Variants in NOTCH2 observed in about 807,000 individuals in gnomAD.
The protein encoded by NOTCH2 is neurogenic locus notch homolog protein 2.
NOTCH2 carries 29 observed loss-of-function variants against 235.8 expected under a neutral mutation model. That is an observed-to-expected ratio of 0.12 (90% CI 0.09 to 0.17). The LOEUF (loss-of-function observed/expected upper bound fraction) is 0.17. NOTCH2 is among the 10% of genes least tolerant of loss of function. NOTCH2 has a pLI of 1.00. For synonymous variants in NOTCH2, 1,086 were observed against 1,141.5 expected (o/e 0.95, Z 0.98); for missense variants, 2,285 against 3,150.2 (o/e 0.73, Z 6.57).
At position 119,929,186 on chromosome 1, in the gene NOTCH2, C is replaced by T; in HGVS notation, c.3682G>A (p.Asp1228Asn). Residue 1228 changes from aspartate to asparagine, a missense_variant, in exon 23 of 34, where the codon GAC becomes AAC. Physicochemically the swap from Asp to Asn is conservative, Grantham distance 23 (BLOSUM62 1). Coordinates refer to ENST00000256646, the MANE Select transcript of NOTCH2 (RefSeq NM_024408.4). ...RGLLCEENID[D>N]CARGPHCLNG... is the part of the protein sequence containing the mutation. ...AGGCAATGGGGACCCCGGGCACAGT[C>T]ATCAATGTTCTCTTCACAGAGTAGG... is the stretch of plus-strand genomic sequence containing the variant. The T allele has an allele frequency of 6.2e-7, 1 of 1,614,162 alleles. No individual in the cohort carries two copies. The highest frequency in any genetic ancestry group is 8.5e-7 in the Non-Finnish European group (1 of 1,179,990).
Position 119,919,548 on chromosome 1 carries a change from C to G in NOTCH2, c.5545G>C (p.Glu1849Gln), listed in dbSNP as rs1296823228. ...GGSSDLSDED[E>Q]DAEDSSANII... ...TTAGCAGAAGAGTCCTCTGCATCTTCATCTTCATCACTCAAATCTGAGCTG... is the reference window on the plus strand; with the variant it reads ...TTAGCAGAAGAGTCCTCTGCATCTTGATCTTCATCACTCAAATCTGAGCTG... Residue 1849 changes from glutamate (E) to glutamine (Q), a missense_variant, in exon 31 of 34, where the codon GAA becomes CAA. By Grantham distance (29) the Glu-to-Gln change is conservative (BLOSUM62 2). Coordinates refer to ENST00000256646, the MANE Select transcript of NOTCH2 (RefSeq NM_024408.4). The G allele has an allele frequency of 1.2e-6, 2 of 1,614,172 alleles. No homozygotes were observed. Among genetic ancestry groups the G allele is most frequent in the Non-Finnish European group, 1.7e-6 (2 of 1,180,048 alleles).
Position 119,953,526 on chromosome 1 carries a change from T to C in NOTCH2, c.2365+17A>G. On this transcript the variant is annotated intron_variant, in intron 14 of 33. Transcript: ENST00000256646. Reference sequence around the variant, plus strand: ...AAGACAAAGAGCAGACGCAGAAAGATGTACTTTTGTTTTCACCTTTAAAGC... The same window carrying C: ...AAGACAAAGAGCAGACGCAGAAAGACGTACTTTTGTTTTCACCTTTAAAGC... 4 of 1,613,778 alleles carry C rather than the reference T, an allele frequency of 2.5e-6. No individual in the cohort carries two copies. The highest frequency in any genetic ancestry group is 3.4e-6 in the Non-Finnish European group (4 of 1,179,696).
At position 119,916,229 on chromosome 1, in the gene NOTCH2, T is replaced by G. The variant is rs978087557; in HGVS notation, c.6493A>C (p.Thr2165Pro). The G allele has an allele frequency of 6.2e-7, 1 of 1,614,148 alleles. No homozygotes were observed. Among genetic ancestry groups the G allele is most frequent in the Non-Finnish European group, 8.5e-7 (1 of 1,180,010 alleles). ...ESPHTYVSDTTSSPMITSPGI... is the reference protein window; with the variant it reads ...ESPHTYVSDTPSSPMITSPGI... ...GGGGATGTAATCATTGGAGAGGATG[T>G]GGTGTCGGAAACATACGTGTGAGGA... Residue 2165 changes from threonine (T) to proline (P), a missense_variant, in exon 34 of 34, where the codon ACA becomes CCA. By Grantham distance (38) the Thr-to-Pro change is conservative. Coordinates refer to ENST00000256646, the MANE Select transcript of NOTCH2 (RefSeq NM_024408.4).
chr1:120,042,520 A>G (rs1654617948), intron 1 of NOTCH2, among the ~76,000 whole-genome samples: 1 of 131,270 alleles, frequency 7.6e-6, no homozygotes, highest in African/African-American at 3.7e-5. Flanking sequence ...TCATCACCTC[A>G]TCACATTAAC....
At chr1:119,933,328 AT>A (rs1311752098) in intron 22 of NOTCH2, among the ~76,000 whole-genome samples, 5 of 152,230 alleles carry the variant, frequency 3.3e-5, no homozygotes, top group African/African-American at 1.2e-4. Context: ...CAATGGGGTT[AT>A]GGGACTTGAG....
intron 20 of NOTCH2, 40 bp from the exon 21 acceptor site, chr1:119,937,506 T>C (rs782185683): frequency 6.3e-6 from 10 of 1,580,340 alleles, no homozygotes; most frequent in South Asian, 2.3e-5. Context: ...TAGAAGAACA[T>C]GTGACACATG....
At chr1:120,037,685 CA>C (rs1159340421) in intron 1 of NOTCH2, among the ~76,000 whole-genome samples, 2 of 149,496 alleles carry the variant, frequency 1.3e-5, no homozygotes, top group Non-Finnish European at 3.0e-5. Flanking sequence ...AAAAAAAAAA[CA>C]AAAAAAAGCA....
chr1:120,002,382 T>C (rs1652793096), intron 3 of NOTCH2, among the ~76,000 whole-genome samples: 2 of 150,268 alleles, frequency 1.3e-5, no homozygotes, highest in East Asian at 2.0e-4. Context: ...AGAAAGAGTA[T>C]TCATGGAATA....
At chr1:119,995,564 G>T (rs587594626) in intron 4 of NOTCH2, 1 of 152,240 alleles carries the variant, frequency 6.6e-6, no homozygotes, top group East Asian at 1.9e-4. Context: ...AACAAATGCA[G>T]GAGTGAAGAC....
At chr1:120,039,431 T>C (rs1553212394) in intron 1 of NOTCH2, among the ~76,000 whole-genome samples, 1 of 147,686 alleles carries the variant, frequency 6.8e-6, no homozygotes, top group Non-Finnish European at 1.5e-5. Flanking sequence ...TTTTTTGAGA[T>C]GGAGTCTCGC....
At chr1:120,065,788 A>G (rs1655483044) in intron 1 of NOTCH2, among the ~76,000 whole-genome samples, 1 of 152,244 alleles carries the variant, frequency 6.6e-6, no homozygotes, top group Admixed American at 6.5e-5. Flanking sequence ...CAAAAACAGG[A>G]AAATCAGGAA....
intron 6 of NOTCH2, 74 bp downstream of exon 6, chr1:119,969,437 G>T: frequency 8.2e-7 from 1 of 1,221,744 alleles, no homozygotes; most frequent in Non-Finnish European, 1.2e-6. Flanking sequence ...TGCTGTTTGG[G>T]ATGAAAGAGA....
At chr1:119,953,445 G>A in intron 14 of NOTCH2, 98 bp downstream of exon 14, 2 of 1,296,802 alleles carry the variant, frequency 1.5e-6, no homozygotes, top group African/African-American at 1.5e-5. Context: ...TTACACGAAT[G>A]AATGAAAAAG....
At position 119,987,579 on chromosome 1, in the gene NOTCH2, A is replaced by G. The variant is rs1490227361; in HGVS notation, c.752-497T>C. 4.6e-5 allele frequency among the ~76,000 whole-genome samples: 7 copies of G among 152,148 alleles called. No homozygotes were observed. The East Asian group carries it at 1.3e-3, about 29-fold the overall frequency. On this transcript the variant is annotated intron_variant, in intron 4 of 33. Coordinates refer to ENST00000256646, the MANE Select transcript of NOTCH2 (RefSeq NM_024408.4). ...GGATATAGGAAAAATATTGAACTTA[A>G]AGTATGAAGATATGGATCAAGTCCC...
intron 1 of NOTCH2, among the ~76,000 whole-genome samples, chr1:120,045,842 G>A (rs1337595280): frequency 6.6e-6 from 1 of 152,260 alleles, no homozygotes; most frequent in Admixed American, 6.5e-5. Flanking sequence ...TTTACATTCT[G>A]GACCAGTGGT....
At chr1:119,986,349 C>T (rs1553202213) in intron 5 of NOTCH2, among the ~76,000 whole-genome samples, 1 of 152,044 alleles carries the variant, frequency 6.6e-6, no homozygotes, top group Admixed American at 6.6e-5. Flanking sequence ...GAGAAACTTC[C>T]AAGAGGCTGT....
Position 119,917,775 on chromosome 1 carries a change from A to C in NOTCH2, c.5930-13T>G. On this transcript the variant is annotated splice_polypyrimidine_tract_variant and intron_variant, in intron 32 of 33. Transcript: ENST00000256646. ...AGAGCAGATTTTCCTGCAGGGGAGA[A>C]ACATTTTTATAAACAGACATATCCT... 2 of 1,517,576 alleles carry C rather than the reference A, an allele frequency of 1.3e-6. No homozygotes were observed. Among genetic ancestry groups the C allele is most frequent in the Non-Finnish European group, 1.8e-6 (2 of 1,092,032 alleles). 94.0% of individuals were successfully genotyped at this position (1,517,576 alleles called of 1,614,324 possible).
At chr1:119,940,841 C>A in intron 18 of NOTCH2, 85 bp from the exon 19 acceptor site, 1 of 1,227,076 alleles carries the variant, frequency 8.1e-7, no homozygotes, top group Admixed American at 1.9e-5. Flanking sequence ...AATCTAAGAT[C>A]ATACAGAGGC....
intron 5 of NOTCH2, among the ~76,000 whole-genome samples, chr1:119,976,840 T>C (rs1034097615): frequency 2.0e-5 from 3 of 152,088 alleles, no homozygotes; most frequent in Non-Finnish European, 4.4e-5. Context: ...ACGTTATTCC[T>C]TGTGCCTGGG....
Sources: allele counts gnomAD v4.1 joint callset (sites outside exome capture counted in the v4.1 genomes callset), GRCh38; gene constraint gnomAD v4.1.1; transcripts MANE v1.5; gene names NCBI Gene and HGNC (gene_info 2026-07-23, HGNC 2026-07-21).